ADGRD1: variants seen among roughly 807,000 people sequenced by gnomAD.
ADGRD1 encodes the protein adhesion G protein-coupled receptor D1.
ADGRD1 carries 77 observed loss-of-function variants against 113.4 expected under a neutral mutation model. That is an observed-to-expected ratio of 0.68 (90% CI 0.57 to 0.82). ADGRD1 has a LOEUF of 0.82. Ranked by LOEUF, ADGRD1 falls within the 40% of genes least tolerant of loss-of-function variation. ADGRD1 has a pLI of 0.00. For missense variants in ADGRD1, 1,036 were observed against 1,139.1 expected, an observed-to-expected ratio of 0.91 and a Z score of 1.30; for synonymous variants, 474 against 475.0, an observed-to-expected ratio of 1.00 and a Z score of 0.03.
chr12:131,036,795 T>TGGGTCTCACTCACTGCCCC (rs1249376303), intron 13 of ADGRD1, among the ~76,000 whole-genome samples: 2 of 103,608 alleles, frequency 1.9e-5, no homozygotes, highest in African/African-American at 3.8e-5. Flanking sequence ...CTCACGGCAC[T>TGGGTCTCACTCACTGCCCC]GGGTCTCACT....
At chr12:131,030,679 C>G (rs1248828615) in intron 13 of ADGRD1, 1 of 152,284 alleles carries the variant, frequency 6.6e-6, no homozygotes, top group Middle Eastern at 3.2e-3. Context: ...CTGCCCACCT[C>G]AGCAGAATGG....
intron 6 of ADGRD1, 45 bp from the exon 7 acceptor site, chr12:130,990,969 A>T (rs1874302520): frequency 2.0e-6 from 3 of 1,530,642 alleles, no homozygotes; most frequent in Non-Finnish European, 2.7e-6. Context: ...CGTGGTGAAA[A>T]AAGTGACCAT....
intron 7 of ADGRD1, among the ~76,000 whole-genome samples, chr12:130,991,437 T>C (rs1874377358): frequency 6.6e-6 from 1 of 152,096 alleles, no homozygotes; most frequent in Non-Finnish European, 1.5e-5. Context: ...TATAGAAAAA[T>C]TCTTGTCTGG....
In ADGRD1 at chr12:131,096,032, C is replaced by T. The variant is rs954980600; in HGVS notation, c.1672-8799C>T. On this transcript the variant is annotated intron_variant, in intron 15 of 24. Coordinates refer to ENST00000261654, the MANE Select transcript of ADGRD1 (RefSeq NM_198827.5). The surrounding 1 kb of genome is among the most constrained non-coding windows in gnomAD (Gnocchi z 5.2). ...TGCCCAGAGCAGCGGCTTAGGGTCA[C>T]GGCCACCATTCCTGCCTCCCGGCCC... 2.2e-5 allele frequency among the ~76,000 whole-genome samples: 2 copies of T among 89,770 alleles called. No homozygotes were observed. The highest frequency in any genetic ancestry group is 4.8e-5 in the Non-Finnish European group (2 of 41,762). The allele number at this position is 89,770 out of a possible 152,430, so 58.9% of individuals were successfully genotyped here.
intron 13 of ADGRD1, among the ~76,000 whole-genome samples, chr12:131,051,805 C>T (rs1883423159): frequency 1.3e-5 from 2 of 152,314 alleles, no homozygotes; most frequent in African/African-American, 4.8e-5. Flanking sequence ...TTTCCTAACA[C>T]TTTCTTAGCA....
At chr12:131,077,005 G>A (rs1885675128) in intron 14 of ADGRD1, 131 bp downstream of exon 14, 1 of 797,204 alleles carries the variant, frequency 1.3e-6, no homozygotes, top group South Asian at 1.5e-5. Flanking sequence ...GAAAATGCTG[G>A]AAATGCTGGA....
intron 2 of ADGRD1, among the ~76,000 whole-genome samples, chr12:130,959,539 C>G (rs1419943714): frequency 6.6e-6 from 1 of 152,154 alleles, no homozygotes; most frequent in African/African-American, 2.4e-5. Context: ...CCACTGCACT[C>G]CAGCCTTGGT....
intron 5 of ADGRD1, among the ~76,000 whole-genome samples, chr12:130,985,265 C>A (rs1414795814): frequency 6.6e-6 from 1 of 151,706 alleles, no homozygotes; most frequent in Non-Finnish European, 1.5e-5. Flanking sequence ...GGATAATAGT[C>A]CTTTATCATG....
At chr12:131,056,066 A>G (rs990693028) in intron 13 of ADGRD1, among the ~76,000 whole-genome samples, 1 of 152,230 alleles carries the variant, frequency 6.6e-6, no homozygotes, top group Non-Finnish European at 1.5e-5. Flanking sequence ...GGGCAAACCT[A>G]TGATGGAAAT....
At chr12:131,073,483 T>C (rs1885337902) in intron 13 of ADGRD1, among the ~76,000 whole-genome samples, 1 of 152,226 alleles carries the variant, frequency 6.6e-6, no homozygotes, top group Middle Eastern at 3.2e-3. Context: ...TTCGGCTCCT[T>C]ATATTGCTTT....
rs557165520 is a variant in ADGRD1, at chr12:131,128,495, T to G, written c.2176-3230T>G. Among the ~76,000 whole-genome samples, 73 of 152,356 alleles carry G rather than the reference T, an allele frequency of 4.8e-4. No individual in the cohort carries two copies. The South Asian group carries it at 7.5e-3, about 16-fold the overall frequency. On this transcript the variant is annotated intron_variant, in intron 20 of 24. Coordinates refer to ENST00000261654, the MANE Select transcript of ADGRD1 (RefSeq NM_198827.5). ...CATTCACAGGAAATGGGTTTCATAT[T>G]ATTTCCTTTTAATTTATAATTGTTT...
intron 9 of ADGRD1, among the ~76,000 whole-genome samples, chr12:131,002,298 G>A (rs1159067664): frequency 6.6e-6 from 1 of 152,188 alleles, no homozygotes; most frequent in East Asian, 1.9e-4. Context: ...TGCATGAATC[G>A]GTCTCTACCC....
chr12:131,085,575 A>G (rs1286626003), intron 15 of ADGRD1, among the ~76,000 whole-genome samples: 1 of 152,164 alleles, frequency 6.6e-6, no homozygotes, highest in Non-Finnish European at 1.5e-5. Context: ...GTAGACGCTC[A>G]TGTAGGTGGA....
intron 13 of ADGRD1, among the ~76,000 whole-genome samples, chr12:131,047,110 T>G (rs1443041039): frequency 6.6e-6 from 1 of 151,050 alleles, no homozygotes; most frequent in African/African-American, 2.4e-5. Flanking sequence ...CACTGCTCCC[T>G]CTTTAGTCAG....
At chr12:131,085,651 G>A (rs1027070644) in intron 15 of ADGRD1, among the ~76,000 whole-genome samples, 1 of 152,186 alleles carries the variant, frequency 6.6e-6, no homozygotes, top group Non-Finnish European at 1.5e-5. Flanking sequence ...CACGTCTGTC[G>A]GTTGCGCTCA....
At chr12:131,105,528 G>T (rs1399313254) in intron 16 of ADGRD1, among the ~76,000 whole-genome samples, 3 of 152,254 alleles carry the variant, frequency 2.0e-5, no homozygotes, top group Admixed American at 2.0e-4. Context: ...TCAGAGCAGA[G>T]CCATGGCCCA....
Position 130,965,528 on chromosome 12 carries a change from C to T in ADGRD1, c.104-935C>T, listed in dbSNP as rs893718400. 6.6e-6 allele frequency among the ~76,000 whole-genome samples: 1 copy of T among 152,000 alleles called. No individual in the cohort carries two copies. Among genetic ancestry groups the T allele is most frequent in the African/African-American group, 2.4e-5 (1 of 41,374 alleles). On this transcript the variant is annotated intron_variant, in intron 2 of 24. Coordinates refer to ENST00000261654, the MANE Select transcript of ADGRD1 (RefSeq NM_198827.5). The surrounding 1 kb of genome is among the most constrained non-coding windows in gnomAD (Gnocchi z 4.8). ...TGAATGAATCCCAGAGGACTAATCCCCGAGAAGACTAAAATTGTATGCATA... is the reference window on the plus strand; with the variant it reads ...TGAATGAATCCCAGAGGACTAATCCTCGAGAAGACTAAAATTGTATGCATA...
chr12:131,124,977 C>T (rs372290063), intron 20 of ADGRD1, among the ~76,000 whole-genome samples: 1 of 152,122 alleles, frequency 6.6e-6, no homozygotes, highest in Non-Finnish European at 1.5e-5. Context: ...ATCGAGGTGT[C>T]GTCAGGGTTG....
intron 15 of ADGRD1, among the ~76,000 whole-genome samples, chr12:131,086,744 C>T (rs1482150005): frequency 6.6e-6 from 1 of 152,210 alleles, no homozygotes; most frequent in Non-Finnish European, 1.5e-5. Flanking sequence ...CACGTGAGCG[C>T]GTATGAGCCT....
Sources: gnomAD v4.1 joint callset for allele counts (sites outside exome capture counted in the v4.1 genomes callset) on GRCh38, gnomAD v4.1.1 for gene constraint, Gnocchi (gnomAD v3.1) non-coding constraint, MANE v1.5 for transcripts, NCBI Gene and HGNC (gene_info 2026-07-23, HGNC 2026-07-21) for gene names.